RFX3: variants seen among roughly 807,000 people sequenced by gnomAD.
RFX3 encodes the protein transcription factor RFX3.
RFX3 carries 14 observed loss-of-function variants against 98.6 expected under a neutral mutation model. The observed-to-expected ratio is 0.14, with a 90% CI of 0.09 to 0.22. The LOEUF is 0.22. Ranked by LOEUF, RFX3 falls within the 10% of genes least tolerant of loss-of-function variation. RFX3 has a pLI of 1.00. For synonymous variants in RFX3, 383 were observed against 328.4 expected (o/e 1.17, Z -1.80); for missense variants, 639 against 926.9 (o/e 0.69, Z 4.03).
Position 3,221,532 on chromosome 9 carries a change from A to G in RFX3, c.*3510T>C, listed in dbSNP as rs529321966. ...GAGAGGTGCATAAACCGTGCTATAC[A>G]GTACAAGAAAAATCACACAAAGGAA... On this transcript the variant is annotated 3_prime_UTR_variant, in exon 17 of 17. Transcript: ENST00000617270. 2.0e-4 allele frequency: 30 copies of G among 152,320 alleles called. No individual in the cohort carries two copies. The highest frequency in any genetic ancestry group is 1.5e-5 in the Non-Finnish European group (1 of 68,024). 9.4% of individuals were successfully genotyped at this position (152,320 alleles called of 1,614,324 possible).
chr9:3,495,877 T>A (rs1851076196), intron 1 of RFX3, among the ~76,000 whole-genome samples: 1 of 152,060 alleles, frequency 6.6e-6, no homozygotes. Context: ...CATATTACCT[T>A]CTAATTAAAT....
chr9:3,519,495 A>T (rs1818492979), intron 1 of RFX3, among the ~76,000 whole-genome samples: 1 of 152,250 alleles, frequency 6.6e-6, no homozygotes, highest in Non-Finnish European at 1.5e-5. Context: ...CTAAAAATAA[A>T]GCCAACGCGT....
At chr9:3,408,006 T>G (rs1453466771) in intron 1 of RFX3, among the ~76,000 whole-genome samples, 2 of 152,100 alleles carry the variant, frequency 1.3e-5, no homozygotes, top group Non-Finnish European at 2.9e-5. Flanking sequence ...AGCTCTCAGG[T>G]ACACACCATA....
chr9:3,322,206 G>C (rs1432846317), intron 4 of RFX3, among the ~76,000 whole-genome samples: 1 of 152,076 alleles, frequency 6.6e-6, no homozygotes, highest in African/African-American at 2.4e-5. Context: ...TTAACTTAGG[G>C]AGGTTAAATG....
chr9:3,435,669 C>T lies in RFX3; in HGVS notation c.-8-40073G>A, dbSNP rs113700368. On this transcript the variant is annotated intron_variant, in intron 1 of 16. Transcript: ENST00000617270. ...AATATTGTATTTACCTTATTCACCA[C>T]TGAATCCCTACCAATTAGCACAGTT... Among the ~76,000 whole-genome samples the T allele has an allele frequency of 1.3e-5, 2 of 152,020 alleles. 1 individual carries two copies. Among genetic ancestry groups the T allele is most frequent in the African/African-American group, 4.8e-5 (2 of 41,504 alleles).
intron 2 of RFX3, among the ~76,000 whole-genome samples, chr9:3,361,657 T>C (rs1477369136): frequency 2.2e-5 from 3 of 137,600 alleles, no homozygotes; most frequent in South Asian, 2.2e-4. Flanking sequence ...CCTTGTTTCT[T>C]TAGGAAAAAA....
chr9:3,483,036 T>C lies in RFX3; in HGVS notation c.-9+42711A>G, dbSNP rs915824791. Among the ~76,000 whole-genome samples, 25 of 152,224 alleles carry C rather than the reference T, an allele frequency of 1.6e-4. 1 individual carries two copies. Among genetic ancestry groups the C allele is most frequent in the Middle Eastern group, 3.2e-3 (1 of 316 alleles). ...ATAAGCAGTTTAGCTATTTGCTTCATAGATCTCTCAGCTGTTTATTTTGCA... is the reference window on the plus strand; with the variant it reads ...ATAAGCAGTTTAGCTATTTGCTTCACAGATCTCTCAGCTGTTTATTTTGCA... On this transcript the variant is annotated intron_variant, in intron 1 of 16. Coordinates refer to ENST00000617270, the MANE Select transcript of RFX3 (RefSeq NM_001282116.2).
chr9:3,299,221 A>G (rs1036335153), intron 5 of RFX3, among the ~76,000 whole-genome samples: 2 of 151,766 alleles, frequency 1.3e-5, no homozygotes, highest in Non-Finnish European at 3.0e-5. Context: ...AGTTAAATTC[A>G]CAGAATGTAA....
At chr9:3,247,697 T>C in intron 15 of RFX3, 1 of 1,500,002 alleles carries the variant, frequency 6.7e-7, no homozygotes, top group Non-Finnish European at 8.9e-7. Context: ...TCCCAGCCCT[T>C]TGCTTTATCA....
chr9:3,369,406 T>C (rs567502012), intron 2 of RFX3, among the ~76,000 whole-genome samples: 1 of 152,256 alleles, frequency 6.6e-6, no homozygotes, highest in Admixed American at 6.5e-5. Flanking sequence ...TTTCCTAAAA[T>C]CCCCACCTTC....
chr9:3,365,249 G>A (rs1297812452), intron 2 of RFX3, among the ~76,000 whole-genome samples: 3 of 141,500 alleles, frequency 2.1e-5, no homozygotes, highest in Non-Finnish European at 3.0e-5. Flanking sequence ...GCAGTGAGCC[G>A]AGATCACACC....
At chr9:3,524,988 T>TGG (rs539910347) in intron 1 of RFX3, among the ~76,000 whole-genome samples, 13 of 93,810 alleles carry the variant, frequency 1.4e-4, no homozygotes, top group Admixed American at 4.8e-4. Flanking sequence ...AAGGGGTGTG[T>TGG]GGGGGGGGGG....
chr9:3,270,840 CT>C, intron 10 of RFX3, 162 bp downstream of exon 10: 1 of 970,852 alleles, frequency 1.0e-6, no homozygotes, highest in South Asian at 1.6e-5. Context: ...ACACTGAAAC[CT>C]CAAGAGAGCA....
At chr9:3,302,712 C>G (rs1390249841) in intron 4 of RFX3, among the ~76,000 whole-genome samples, 1 of 151,696 alleles carries the variant, frequency 6.6e-6, no homozygotes, top group Non-Finnish European at 1.5e-5. Flanking sequence ...TAACATACTG[C>G]CCCCTCCCAA....
At chr9:3,505,231 A>C (rs570239604) in intron 1 of RFX3, among the ~76,000 whole-genome samples, 2 of 68,530 alleles carry the variant, frequency 2.9e-5, no homozygotes, top group African/African-American at 2.3e-4. Flanking sequence ...TTTATATATG[A>C]ATATATATTT....
chr9:3,275,746 T>G, intron 8 of RFX3, 134 bp from the exon 9 acceptor site: 1 of 531,692 alleles, frequency 1.9e-6, no homozygotes, highest in Non-Finnish European at 3.4e-6. Context: ...AAGGACATTT[T>G]ATATTAATAT....
At chr9:3,241,853 T>A (rs977130060) in intron 15 of RFX3, among the ~76,000 whole-genome samples, 1 of 152,076 alleles carries the variant, frequency 6.6e-6, no homozygotes, top group Non-Finnish European at 1.5e-5. Context: ...AAATATCTAC[T>A]AACAAAAAGT....
chr9:3,367,132 G>A (rs989714789), intron 2 of RFX3, among the ~76,000 whole-genome samples: 3 of 152,080 alleles, frequency 2.0e-5, no homozygotes, highest in Non-Finnish European at 4.4e-5. Flanking sequence ...ATTATCTTAC[G>A]TTATATGGTA....
At chr9:3,282,166 G>C (rs987920068) in intron 7 of RFX3, among the ~76,000 whole-genome samples, 1 of 151,788 alleles carries the variant, frequency 6.6e-6, no homozygotes, top group Non-Finnish European at 1.5e-5. Flanking sequence ...AAAGTCTTTA[G>C]ATGACTTCAT....
Sources: gnomAD v4.1 joint callset for allele counts (sites outside exome capture counted in the v4.1 genomes callset) on GRCh38, gnomAD v4.1.1 for gene constraint, MANE v1.5 for transcripts, NCBI Gene and HGNC (gene_info 2026-07-23, HGNC 2026-07-21) for gene names.